The following USP10 variants were observed in gnomAD, a reference collection of about 807,000 sequenced individuals.
USP10 encodes the protein ubiquitin carboxyl-terminal hydrolase 10.
Under a neutral mutation model 84.5 loss-of-function variants are expected in USP10, and 22 were observed. That is an observed-to-expected ratio of 0.26 (90% CI 0.19 to 0.37). USP10 has a LOEUF of 0.37. Among genes scored for constraint, USP10 ranks in the 10% least tolerant of loss-of-function variants. The pLI, the probability that USP10 is intolerant of heterozygous loss-of-function variation, is 1.00. For synonymous variants in USP10, 454 were observed against 387.6 expected (o/e 1.17, Z -2.01); for missense variants, 1,019 against 998.9 (o/e 1.02, Z -0.27).
chr16:84,714,945 T>C (rs1048351511), intron 1 of USP10, among the ~76,000 whole-genome samples: 1 of 150,440 alleles, frequency 6.6e-6, no homozygotes, highest in Non-Finnish European at 1.5e-5. Context: ...ATTTTTTTTT[T>C]TTGAGATGGA....
chr16:84,750,647 A>C (rs1911822656), intron 4 of USP10, among the ~76,000 whole-genome samples: 1 of 152,224 alleles, frequency 6.6e-6, no homozygotes, highest in South Asian at 2.1e-4. Context: ...ATACTAGACG[A>C]AATTGTATCA....
chr16:84,771,606 C>T (rs1914459584), intron 11 of USP10, among the ~76,000 whole-genome samples: 1 of 152,186 alleles, frequency 6.6e-6, no homozygotes, highest in Non-Finnish European at 1.5e-5. Flanking sequence ...TGGTGGCTCA[C>T]GCCTGTAATC....
chr16:84,701,062 A>G (rs1391158606), intron 1 of USP10, among the ~76,000 whole-genome samples: 1 of 152,200 alleles, frequency 6.6e-6, no homozygotes, highest in Non-Finnish European at 1.5e-5. Context: ...TTTGTATTAA[A>G]TATGGGGAAA....
chr16:84,701,413 A>G (rs1019285267), intron 1 of USP10, among the ~76,000 whole-genome samples: 2 of 152,234 alleles, frequency 1.3e-5, no homozygotes, highest in South Asian at 2.1e-4. Context: ...AATAATTTTT[A>G]CAAATGTATA....
chr16:84,714,937 T>TA (rs1906814679), intron 1 of USP10, among the ~76,000 whole-genome samples: 1 of 148,740 alleles, frequency 6.7e-6, no homozygotes, highest in African/African-American at 2.5e-5. Flanking sequence ...TTATTATTAT[T>TA]TTTTTTTTTT....
At chr16:84,711,138 G>C (rs930981348) in intron 1 of USP10, among the ~76,000 whole-genome samples, 3 of 152,190 alleles carry the variant, frequency 2.0e-5, no homozygotes, top group African/African-American at 7.2e-5. Flanking sequence ...CGAGATTTCA[G>C]TTTGGCTTGG....
Position 84,763,971 on chromosome 16 carries a change from A to C in USP10, c.1655-115A>C, listed in dbSNP as rs1482769714. 2.2e-6 allele frequency: 3 copies of C among 1,337,252 alleles called. No individual in the cohort carries two copies. The South Asian group carries it at 4.7e-5, about 21-fold the overall frequency. 82.8% of individuals were successfully genotyped at this position (1,337,252 alleles called of 1,614,324 possible). On this transcript the variant is annotated intron_variant, in intron 9 of 13. Coordinates refer to ENST00000219473, the MANE Select transcript of USP10 (RefSeq NM_005153.3). ...GTTGCGATTGGTTGCCGTGGCTCCT[A>C]ATGTAGACCACACCCTGATTTCATT...
intron 1 of USP10, among the ~76,000 whole-genome samples, chr16:84,705,502 A>G (rs369070022): frequency 6.6e-5 from 10 of 151,594 alleles, no homozygotes; most frequent in African/African-American, 2.4e-4. Context: ...AAGTGCTGGG[A>G]TTATAGGCGT....
intron 4 of USP10, among the ~76,000 whole-genome samples, chr16:84,750,110 A>G (rs1911737776): frequency 6.6e-6 from 1 of 152,128 alleles, no homozygotes; most frequent in Non-Finnish European, 1.5e-5. Context: ...GGAGTCAACA[A>G]AAGGAAACTT....
At chr16:84,735,009 A>AT (rs1218751489) in intron 2 of USP10, among the ~76,000 whole-genome samples, 5 of 151,762 alleles carry the variant, frequency 3.3e-5, no homozygotes, top group South Asian at 2.1e-4. Context: ...GTTTTATTTT[A>AT]TTTTTTTATT....
At chr16:84,725,844 A>G (rs1404403571) in intron 1 of USP10, among the ~76,000 whole-genome samples, 1 of 152,242 alleles carries the variant, frequency 6.6e-6, no homozygotes, top group African/African-American at 2.4e-5. Context: ...TAATCATGCC[A>G]AACAGTCTAT....
rs189742741 is a variant in USP10, at chr16:84,761,922, A to C, written c.1555-1067A>C. ...TGCCAGTTTTTGCCCTTTTCTGCAC[A>C]CGTGCAGAGCATGCACTCACGTGAA... On this transcript the variant is annotated intron_variant, in intron 8 of 13. Transcript: ENST00000219473. Among the ~76,000 whole-genome samples, 209 of 152,384 alleles carry C rather than the reference A, an allele frequency of 1.4e-3. 1 individual carries two copies. Among genetic ancestry groups the C allele is most frequent in the African/African-American group, 4.6e-3 (191 of 41,596 alleles).
chr16:84,721,003 C>T (rs1373401163), intron 1 of USP10, among the ~76,000 whole-genome samples: 2 of 150,562 alleles, frequency 1.3e-5, no homozygotes, highest in African/African-American at 2.5e-5. Context: ...AAGCTATTTT[C>T]CTGCCTCAGC....
chr16:84,727,431 C>T (rs533947405), intron 1 of USP10, among the ~76,000 whole-genome samples: 9 of 151,888 alleles, frequency 5.9e-5, no homozygotes, highest in Non-Finnish European at 1.2e-4. Context: ...TTCCTCATAA[C>T]CTCACAATTT....
intron 11 of USP10, 26 bp from the exon 12 acceptor site, chr16:84,772,515 G>A: frequency 6.2e-7 from 1 of 1,612,426 alleles, no homozygotes; most frequent in South Asian, 1.1e-5. Flanking sequence ...CAGGGACGGT[G>A]TGTCCTGGTG....
chr16:84,739,531 C>T (rs192404418), intron 2 of USP10, among the ~76,000 whole-genome samples: 16 of 152,256 alleles, frequency 1.1e-4, no homozygotes, highest in African/African-American at 3.6e-4. Flanking sequence ...CCTCAGCCTC[C>T]CTCATTGCTG....
At chr16:84,772,791 T>G (rs1024645768) in intron 12 of USP10, 106 bp downstream of exon 12, 163 of 1,407,414 alleles carry the variant, frequency 1.2e-4, no homozygotes, top group Non-Finnish European at 1.5e-4. Context: ...GGACATTCTC[T>G]TGCTGGACGT....
intron 4 of USP10, among the ~76,000 whole-genome samples, chr16:84,746,206 T>G (rs1216511679): frequency 1.3e-5 from 2 of 152,234 alleles, no homozygotes; most frequent in Non-Finnish European, 2.9e-5. Context: ...TAATGTTTTA[T>G]TTTAGAGTGC....
intron 1 of USP10, chr16:84,732,441 C>CT: frequency 1.5e-5 from 6 of 397,190 alleles, no homozygotes; most frequent in East Asian, 8.2e-5. Context: ...ACTTCTTCTT[C>CT]TTCTTTTTTT....
Sources: allele counts gnomAD v4.1 joint callset (sites outside exome capture counted in the v4.1 genomes callset), GRCh38; gene constraint gnomAD v4.1.1; transcripts MANE v1.5; gene names NCBI Gene and HGNC (gene_info 2026-07-23, HGNC 2026-07-21).